Variants in ARFGEF3 observed in about 807,000 individuals in gnomAD.
ARFGEF3 encodes brefeldin A-inhibited guanine nucleotide-exchange protein 3.
A neutral mutation model predicts 221.7 loss-of-function variants in ARFGEF3; 96 were observed. That is an observed-to-expected ratio of 0.43 (90% confidence interval 0.37 to 0.51). ARFGEF3 has a LOEUF of 0.51. Among genes scored for constraint, ARFGEF3 ranks in the 20% least tolerant of loss-of-function variants. The probability of loss-of-function intolerance (pLI) is 0.00; values close to 1 mark genes in which losing one functional copy is unlikely to be tolerated. For missense variants in ARFGEF3, 2,410 were observed against 2,789.9 expected (o/e 0.86, Z 3.07); for synonymous variants, 1,145 against 1,126.8 (o/e 1.02, Z -0.32).
intron 2 of ARFGEF3, among the ~76,000 whole-genome samples, chr6:138,201,687 G>T (rs1257352034): frequency 6.6e-6 from 1 of 152,160 alleles, no homozygotes; most frequent in African/African-American, 2.4e-5. Flanking sequence ...GTGGAAGGGG[G>T]TCGAGGGATA....
chr6:138,293,311 C>T (rs901026089), intron 19 of ARFGEF3, among the ~76,000 whole-genome samples: 2 of 152,200 alleles, frequency 1.3e-5, no homozygotes, highest in African/African-American at 2.4e-5. Context: ...TCTTCATTCC[C>T]GTGACCTTCA....
intron 26 of ARFGEF3, 36 bp from the exon 27 acceptor site, chr6:138,317,215 A>C (rs780909124): frequency 1.2e-6 from 2 of 1,602,678 alleles, no homozygotes; most frequent in African/African-American, 1.3e-5. Context: ...ATTGTGTCTA[A>C]CTGGATTTCA....
chr6:138,200,574 AAAGGACACCCTTTTCAACAAATGGT>A (rs1426358172), intron 2 of ARFGEF3, among the ~76,000 whole-genome samples: 63 of 152,326 alleles, frequency 4.1e-4, no homozygotes, highest in African/African-American at 1.5e-3. Context: ...TAAAGTGGGG[AAAGGACACCCTTTTCAACAAATGGT>A]GCTGGGATAA....
chr6:138,289,125 G>T lies in ARFGEF3; in HGVS notation c.2897-693G>T, dbSNP rs146538749. Among the ~76,000 whole-genome samples the T allele has an allele frequency of 4.5e-3, 685 of 152,196 alleles. 7 individuals are homozygous for T. Among genetic ancestry groups the T allele is most frequent in the African/African-American group, 0.016 (646 of 41,532 alleles). On this transcript the variant is annotated intron_variant, in intron 17 of 33. Transcript: ENST00000251691. ...TGTGCCACCATGCCCGGCTAATTTT[G>T]TATTTTCAGTAGAGACAGAGTTTCT...
At chr6:138,280,847 G>T (rs1779185316) in intron 14 of ARFGEF3, among the ~76,000 whole-genome samples, 1 of 152,096 alleles carries the variant, frequency 6.6e-6, no homozygotes, top group Admixed American at 6.5e-5. Context: ...GCAAGACCCT[G>T]TCTCAAAACA....
At position 138,313,800 on chromosome 6, in the gene ARFGEF3, G is replaced by T. The variant is rs1319855115; in HGVS notation, c.4206G>T (p.Leu1402Phe). The change falls in exon 26 of 34, where the codon TTG becomes TTT. Residue 1402 changes from leucine to phenylalanine, a missense_variant. Leu to Phe is a conservative substitution (Grantham distance 22). Coordinates refer to ENST00000251691, the MANE Select transcript of ARFGEF3 (RefSeq NM_020340.5). ...LDYLRRCSQL[L>F]AKIYKMPLKP... is the part of the protein sequence containing the mutation. ...GTCTTTTTATTTTAATTTAGTTATT[G>T]GCCAAAATCTACAAAATGCCCTTGA... 6.2e-7 allele frequency: 1 copy of T among 1,612,830 alleles called. No individual in the cohort carries two copies. The highest frequency in any genetic ancestry group is 8.5e-7 in the Non-Finnish European group (1 of 1,179,354).
Position 138,275,359 on chromosome 6 carries a change from A to G in ARFGEF3, c.2129-3092A>G, listed in dbSNP as rs78759020. Among the ~76,000 whole-genome samples, 859 of 152,256 alleles carry G rather than the reference A, an allele frequency of 5.6e-3. 2 individuals are homozygous for G. Among genetic ancestry groups the G allele is most frequent in the Non-Finnish European group, 7.9e-3 (540 of 68,020 alleles). On this transcript the variant is annotated intron_variant, in intron 12 of 33. Coordinates refer to ENST00000251691, the MANE Select transcript of ARFGEF3 (RefSeq NM_020340.5). ...ATATATGCTTAGTCCCACCAAAAAA[A>G]TGTTTATACTGCCCTCAAATATGGC...
intron 2 of ARFGEF3, among the ~76,000 whole-genome samples, chr6:138,187,398 G>A (rs113321894): frequency 6.6e-6 from 1 of 152,200 alleles, no homozygotes; most frequent in Non-Finnish European, 1.5e-5. Flanking sequence ...TCATGATACT[G>A]TGACCTCCCT....
intron 10 of ARFGEF3, among the ~76,000 whole-genome samples, chr6:138,257,017 G>T (rs868492724): frequency 2.6e-5 from 4 of 151,956 alleles, no homozygotes; most frequent in Non-Finnish European, 5.9e-5. Context: ...CAAGCAATCC[G>T]CCCGCCTCAG....
At chr6:138,287,701 T>C (rs1247419668) in intron 17 of ARFGEF3, among the ~76,000 whole-genome samples, 1 of 152,166 alleles carries the variant, frequency 6.6e-6, no homozygotes, top group African/African-American at 2.4e-5. Context: ...GTGAAGCTGA[T>C]GATTATCTGG....
chr6:138,325,709 C>T (rs1780115141), intron 31 of ARFGEF3, among the ~76,000 whole-genome samples: 1 of 152,198 alleles, frequency 6.6e-6, no homozygotes, highest in African/African-American at 2.4e-5. Flanking sequence ...ACAGTGGTCT[C>T]TGCAACCCTG....
rs368523344 is a variant in ARFGEF3, at chr6:138,289,980, G to A, written c.3047+12G>A. 8.1e-6 allele frequency: 13 copies of A among 1,601,294 alleles called. No homozygotes were observed. The highest frequency in any genetic ancestry group is 2.7e-5 in the African/African-American group (2 of 74,552). ...CCACACGTGTTCAGGTGCATGACGGGCTCCCACCCCCAGATGGCACTAACC... is the reference window on the plus strand; with the variant it reads ...CCACACGTGTTCAGGTGCATGACGGACTCCCACCCCCAGATGGCACTAACC... On this transcript the variant is annotated intron_variant, in intron 18 of 33. Coordinates refer to ENST00000251691, the MANE Select transcript of ARFGEF3 (RefSeq NM_020340.5).
intron 31 of ARFGEF3, among the ~76,000 whole-genome samples, chr6:138,327,045 G>A (rs1780138606): frequency 1.3e-5 from 2 of 152,158 alleles, no homozygotes; most frequent in African/African-American, 2.4e-5. Flanking sequence ...AGTGGGAGCT[G>A]ATTGATGAGA....
chr6:138,283,854 C>T (rs1195634153), intron 14 of ARFGEF3, among the ~76,000 whole-genome samples: 1 of 152,184 alleles, frequency 6.6e-6, no homozygotes, highest in Admixed American at 6.5e-5. Flanking sequence ...TCTGTTTCCA[C>T]CTTAGCAGCC....
intron 4 of ARFGEF3, among the ~76,000 whole-genome samples, chr6:138,218,990 A>G (rs1488104011): frequency 6.6e-6 from 1 of 152,220 alleles, no homozygotes; most frequent in African/African-American, 2.4e-5. Context: ...TGTTGCCAAC[A>G]GTGCATAAAA....
In ARFGEF3 at chr6:138,336,279, A is replaced by T. The variant is rs1780320133; in HGVS notation, c.6343-16A>T. On this transcript the variant is annotated splice_polypyrimidine_tract_variant and intron_variant, in intron 33 of 33. Coordinates refer to ENST00000251691, the MANE Select transcript of ARFGEF3 (RefSeq NM_020340.5). ...AGGGGGGAAAGCCACTGATTTTCTT[A>T]AATCTTTTCTCTTAGGCATGGACCA... 6 of 1,489,750 alleles carry T rather than the reference A, an allele frequency of 4.0e-6. No homozygotes were observed. The highest frequency in any genetic ancestry group is 5.4e-6 in the Non-Finnish European group (6 of 1,112,406). 92.3% of individuals were successfully genotyped at this position (1,489,750 alleles called of 1,614,324 possible).
rs1260323125 is a variant in ARFGEF3 at position 138,253,973 on chromosome 6, G to A, written c.759G>A (p.Thr253=). 2.5e-6 allele frequency: 4 copies of A among 1,584,714 alleles called. No homozygotes were observed. The highest frequency in any genetic ancestry group is 2.3e-5 in the East Asian group (1 of 43,582). The change falls in exon 9 of 34, where the codon ACG becomes ACA. Residue 253 remains threonine, a synonymous_variant. Coordinates refer to ENST00000251691, the MANE Select transcript of ARFGEF3 (RefSeq NM_020340.5). ...SSSMHLHRRF[T]DLIWKNLCPA... is the part of the protein sequence containing the mutation. ...CCATGCACCTGCACAGGCGCTTCAC[G>A]GACCTGATCTGGTGAGCACCCACTC...
At chr6:138,325,521 A>G (rs540806297) in intron 31 of ARFGEF3, among the ~76,000 whole-genome samples, 74 of 152,352 alleles carry the variant, frequency 4.9e-4, no homozygotes, top group African/African-American at 1.2e-3. Flanking sequence ...GTTGGGACAG[A>G]AGAAAGGTTG....
At chr6:138,289,039 C>T (rs570239303) in intron 17 of ARFGEF3, among the ~76,000 whole-genome samples, 2 of 152,284 alleles carry the variant, frequency 1.3e-5, no homozygotes, top group South Asian at 2.1e-4. Flanking sequence ...CTGCAATCTC[C>T]GCCTCCCAGG....
Sources: gnomAD v4.1 joint callset for allele counts (sites outside exome capture counted in the v4.1 genomes callset) on GRCh38, gnomAD v4.1.1 for gene constraint, MANE v1.5 for transcripts, NCBI Gene and HGNC (gene_info 2026-07-23, HGNC 2026-07-21) for gene names.